CTTN: variants seen among roughly 807,000 people sequenced by gnomAD.
The protein encoded by CTTN is cortactin.
In CTTN, 28 loss-of-function variants were observed where a neutral mutation model predicts 84.0. That is an observed-to-expected ratio of 0.33 (90% confidence interval 0.25 to 0.46). The LOEUF (loss-of-function observed/expected upper bound fraction) is 0.46, where lower values mean the gene tolerates loss of function less well. Among genes scored for constraint, CTTN ranks in the 20% least tolerant of loss-of-function variants. CTTN has a pLI of 1.00. For synonymous variants in CTTN, 301 were observed against 288.8 expected (o/e 1.04, Z -0.43); for missense variants, 641 against 723.8 (o/e 0.89, Z 1.31).
intron 1 of CTTN, among the ~76,000 whole-genome samples, chr11:70,401,200 G>T (rs2057974743): frequency 6.6e-6 from 1 of 152,122 alleles, no homozygotes; most frequent in Non-Finnish European, 1.5e-5. Context: ...GCCGGGTATG[G>T]TGGCTCACAC....
chr11:70,405,060 C>G (rs1177879432), intron 1 of CTTN, among the ~76,000 whole-genome samples: 4 of 152,182 alleles, frequency 2.6e-5, no homozygotes, highest in African/African-American at 9.6e-5. Flanking sequence ...TCTTTTAAAA[C>G]TTATTTCTTT....
At chr11:70,416,109 ATTC>A (rs142385955) in intron 7 of CTTN, 45,285 of 212,476 alleles carry the variant, frequency 0.21, 5,292 homozygotes, top group South Asian at 0.28. Flanking sequence ...GAGTTGTTAA[ATTC>A]TTGTTTTCCT....
Position 70,407,392 on chromosome 11 carries a change from C to T in CTTN, c.87+8C>T. ...ACCGACCCTGATTTTGTGGTAGGAG[C>T]CGCCAGCCTTTGCTTTCCTCTTTCA... is the stretch of plus-strand genomic sequence containing the variant. On this transcript the variant is annotated splice_region_variant and intron_variant, in intron 3 of 17. Coordinates refer to ENST00000301843, the MANE Select transcript of CTTN (RefSeq NM_005231.4). 6.2e-7 allele frequency: 1 copy of T among 1,606,550 alleles called. No homozygotes were observed. The highest frequency in any genetic ancestry group is 8.5e-7 in the Non-Finnish European group (1 of 1,176,158).
In CTTN at chr11:70,414,546, C is replaced by T. The variant is rs1158462579; in HGVS notation, c.296C>T (p.Ala99Val). 1.2e-6 allele frequency: 2 copies of T among 1,613,274 alleles called. No individual in the cohort carries two copies. Among genetic ancestry groups the T allele is most frequent in the African/African-American group, 2.7e-5 (2 of 74,928 alleles). ...GVEQDRMDKSAVGHEYQSKLS... is the reference protein window; with the variant it reads ...GVEQDRMDKSVVGHEYQSKLS... ...TGTGTTTGAACCCTGTTCCAGTCAG[C>T]TGTCGGCCACGAATATCAGTCGAAA... Residue 99 changes from alanine to valine, a missense_variant, in exon 6 of 18, where the codon GCT (alanine) becomes GTT (valine). By Grantham distance (64) the Ala-to-Val change is moderately conservative. Around this residue, in one of 3 missense-constraint regions of CTTN, gnomAD observed 284 missense variants for 348.4 expected, o/e 0.82. Transcript: ENST00000301843.
chr11:70,435,723 C>A lies in CTTN; in HGVS notation c.*561C>A. 5.6e-6 allele frequency: 9 copies of A among 1,597,934 alleles called. No individual in the cohort carries two copies. The highest frequency in any genetic ancestry group is 7.6e-6 in the Non-Finnish European group (9 of 1,179,642). On this transcript the variant is annotated 3_prime_UTR_variant, in exon 18 of 18. Transcript: ENST00000301843. ...AGATGGGAAATCTGCCTATGTCATA[C>A]CGTGACAGCCCGCAGGATCAGGTGA...
At chr11:70,412,755 T>G (rs1204364800) in intron 5 of CTTN, among the ~76,000 whole-genome samples, 1 of 152,186 alleles carries the variant, frequency 6.6e-6, no homozygotes, top group Non-Finnish European at 1.5e-5. Context: ...GCCCTGAGTC[T>G]ACATATTCAG....
rs369582828 is a variant in CTTN, at chr11:70,431,681, C to T, written c.1266+401C>T. 3.5e-3 allele frequency among the ~76,000 whole-genome samples: 538 copies of T among 152,238 alleles called. 8 individuals carry two copies. The highest frequency in any genetic ancestry group is 0.012 in the African/African-American group (519 of 41,526). On this transcript the variant is annotated intron_variant, in intron 15 of 17. Transcript: ENST00000301843. ...CCTTCATCACTGAGCCCCTGCCTCC[C>T]GCACAATCTGCCTTCTATGCCTGCC...
In CTTN at chr11:70,409,734, A is replaced by T; in HGVS notation, c.162-97A>T. 2 of 1,340,668 alleles carry T rather than the reference A, an allele frequency of 1.5e-6. 1 individual carries two copies. The highest frequency in any genetic ancestry group is 3.7e-4 in the Middle Eastern group (2 of 5,388). The allele number at this position is 1,340,668 out of a possible 1,614,324, so 83.0% of individuals were successfully genotyped here. A position where few individuals can be genotyped will look rare whatever the true frequency, so the allele number is the denominator to read the frequency against. ...ATCAGATAAGCAGATTTACAAATTT[A>T]CAAAGATAATGTCACCTGTTCTTAT... is the stretch of plus-strand genomic sequence containing the variant. On this transcript the variant is annotated intron_variant, in intron 4 of 17. Coordinates refer to ENST00000301843, the MANE Select transcript of CTTN (RefSeq NM_005231.4).
chr11:70,413,358 G>C (rs1450057292), intron 5 of CTTN, among the ~76,000 whole-genome samples: 1 of 152,206 alleles, frequency 6.6e-6, no homozygotes, highest in Non-Finnish European at 1.5e-5. Context: ...CCTTGACCCG[G>C]CTCTGCTGTG....
intron 11 of CTTN, 83 bp from the exon 12 acceptor site, chr11:70,422,857 T>G (rs1224290400): frequency 1.9e-6 from 3 of 1,603,330 alleles, no homozygotes; most frequent in Non-Finnish European, 2.6e-6. Context: ...TTGGGCTGTT[T>G]CTGGATCTGT....
intron 5 of CTTN, among the ~76,000 whole-genome samples, chr11:70,413,366 G>A (rs1021679448): frequency 2.0e-5 from 3 of 152,230 alleles, no homozygotes; most frequent in Non-Finnish European, 4.4e-5. Flanking sequence ...CGGCTCTGCT[G>A]TGAGGAGGGA....
At chr11:70,425,451 C>T in intron 13 of CTTN, 50 bp downstream of exon 13, 2 of 1,428,586 alleles carry the variant, frequency 1.4e-6, no homozygotes, top group Non-Finnish European at 2.0e-6. Flanking sequence ...CAGGAAAACA[C>T]TGAGGGGAAG....
intron 8 of CTTN, 27 bp downstream of exon 8, chr11:70,417,150 C>G (rs767631532): frequency 2.6e-5 from 41 of 1,565,212 alleles, no homozygotes; most frequent in Non-Finnish European, 3.6e-5. Context: ...GGTCTGTAAT[C>G]ACGCGTTTGC....
In CTTN at chr11:70,435,261, T is replaced by A; in HGVS notation, c.*99T>A. 1.4e-6 allele frequency: 2 copies of A among 1,379,348 alleles called. No individual in the cohort carries two copies. The highest frequency in any genetic ancestry group is 1.9e-6 in the Non-Finnish European group (2 of 1,070,128). 85.4% of individuals were successfully genotyped at this position (1,379,348 alleles called of 1,614,324 possible). On this transcript the variant is annotated 3_prime_UTR_variant, in exon 18 of 18. Coordinates refer to ENST00000301843, the MANE Select transcript of CTTN (RefSeq NM_005231.4). ...GGTTTTGGGTTTTTTCTGTTTTTTT[T>A]TTTTTTTTTTTTTTTTTGAAGGTGG...
chr11:70,418,011 A>G (rs2058183836), intron 8 of CTTN, among the ~76,000 whole-genome samples: 1 of 152,184 alleles, frequency 6.6e-6, no homozygotes, highest in Non-Finnish European at 1.5e-5. Context: ...CCAGGGCTGC[A>G]GAGGCTGTGG....
At chr11:70,400,767 G>A (rs1565484829) in intron 1 of CTTN, among the ~76,000 whole-genome samples, 1 of 152,230 alleles carries the variant, frequency 6.6e-6, no homozygotes, top group African/African-American at 2.4e-5. Context: ...TATTCCCATG[G>A]CCTGGGCCAG....
In CTTN at chr11:70,407,451, G is replaced by A. The variant is rs1465362715; in HGVS notation, c.87+67G>A. On this transcript the variant is annotated intron_variant, in intron 3 of 17. Transcript: ENST00000301843. The stretch of plus-strand genomic sequence containing the variant: ...AAGTGGCTCTCCTGGGTTTTTCTTT[G>A]ATGGGGTGGTGGTTTGTCTGTGTCA... 3.7e-6 allele frequency: 6 copies of A among 1,612,528 alleles called. No individual in the cohort carries two copies. The Admixed American group carries it at 1.0e-4, about 27-fold the overall frequency.
intron 1 of CTTN, among the ~76,000 whole-genome samples, chr11:70,399,567 C>T (rs2057951660): frequency 6.6e-6 from 1 of 152,156 alleles, no homozygotes; most frequent in Admixed American, 6.5e-5. Context: ...TTGGAACCGT[C>T]CCTCCTTCGG....
At position 70,436,534 on chromosome 11, in the gene CTTN, T is replaced by G; in HGVS notation, c.*1372T>G. The G allele has an allele frequency of 2.5e-6, 2 of 795,490 alleles. No individual in the cohort carries two copies. The highest frequency in any genetic ancestry group is 2.0e-6 in the Non-Finnish European group (1 of 500,148). 49.3% of individuals were successfully genotyped at this position (795,490 alleles called of 1,614,324 possible). A position where few individuals can be genotyped will look rare whatever the true frequency, so the allele number is the denominator to read the frequency against. On this transcript the variant is annotated 3_prime_UTR_variant, in exon 18 of 18. Coordinates refer to ENST00000301843, the MANE Select transcript of CTTN (RefSeq NM_005231.4). ...CTGTAGCACACCTCATAGGTATGAT[T>G]TTTTTAAATTAAAGAATTCAGAATA...
Sources: gnomAD v4.1 joint callset for allele counts (sites outside exome capture counted in the v4.1 genomes callset) on GRCh38, gnomAD v4.1.1 for gene constraint, gnomAD v4.1.1 regional missense constraint, MANE v1.5 for transcripts, NCBI Gene and HGNC (gene_info 2026-07-23, HGNC 2026-07-21) for gene names.